The following PRKCB variants were observed in gnomAD, a reference collection of about 807,000 sequenced individuals.
PRKCB encodes the protein protein kinase C beta.
Under a neutral mutation model 81.5 loss-of-function variants are expected in PRKCB, and 13 were observed. The observed-to-expected ratio is 0.16, with a 90% CI of 0.10 to 0.25. The LOEUF (loss-of-function observed/expected upper bound fraction) is 0.25. PRKCB is among the 10% of genes least tolerant of loss of function. PRKCB has a pLI of 1.00. For missense variants in PRKCB, 509 were observed against 875.7 expected (o/e 0.58, Z 5.29); for synonymous variants, 335 against 321.4 (o/e 1.04, Z -0.45).
At chr16:23,982,067 T>A (rs151055457) in intron 2 of PRKCB, among the ~76,000 whole-genome samples, 2 of 9,356 alleles carry the variant, frequency 2.1e-4, no homozygotes, top group African/African-American at 1.4e-3. Flanking sequence ...CTTCCCCTTC[T>A]CTTTCCCTTC....
chr16:23,937,927 A>G (rs1964085110), intron 2 of PRKCB, among the ~76,000 whole-genome samples: 1 of 152,184 alleles, frequency 6.6e-6, no homozygotes, highest in South Asian at 2.1e-4. Context: ...AGGTGCATAG[A>G]AGAGACCGAA....
chr16:24,048,809 A>G (rs1266093958), intron 5 of PRKCB, among the ~76,000 whole-genome samples: 1 of 151,984 alleles, frequency 6.6e-6, no homozygotes, highest in African/African-American at 2.4e-5. Flanking sequence ...AACCCTTCCA[A>G]ATGCCTGGCT....
rs184092991 is a variant in PRKCB, at chr16:23,854,658, C to T, written c.205+17252C>T. Among the ~76,000 whole-genome samples the T allele has an allele frequency of 5.4e-3, 815 of 152,250 alleles. 4 individuals carry two copies. The highest frequency in any genetic ancestry group is 8.2e-3 in the Non-Finnish European group (559 of 68,030). On this transcript the variant is annotated intron_variant, in intron 2 of 16. Coordinates refer to ENST00000643927, the MANE Select transcript of PRKCB (RefSeq NM_002738.7). ...CAGAACATGCATAACATCACTTCTG[C>T]CATATTCCCTGGTCAAAGCAAATCA...
At chr16:23,906,519 A>C (rs942286562) in intron 2 of PRKCB, among the ~76,000 whole-genome samples, 6 of 152,188 alleles carry the variant, frequency 3.9e-5, no homozygotes, top group African/African-American at 1.4e-4. Flanking sequence ...AAAATTCCTC[A>C]GTAGTCAATT....
At chr16:24,086,452 A>G (rs1966311749) in intron 5 of PRKCB, among the ~76,000 whole-genome samples, 3 of 152,142 alleles carry the variant, frequency 2.0e-5, no homozygotes, top group Non-Finnish European at 4.4e-5. Flanking sequence ...GCTGACCTCA[A>G]TGAGCTTATC....
intron 2 of PRKCB, among the ~76,000 whole-genome samples, chr16:23,917,001 C>A (rs1963750844): frequency 6.6e-6 from 1 of 152,084 alleles, no homozygotes. Flanking sequence ...GTCTTAAACT[C>A]CTGGGCTCAA....
chr16:24,156,254 G>C (rs6497727), intron 10 of PRKCB, among the ~76,000 whole-genome samples: 1 of 151,820 alleles, frequency 6.6e-6, no homozygotes, highest in African/African-American at 2.4e-5. Flanking sequence ...TTGGTTCACT[G>C]TTGTGCTCCA....
rs1968240949 is a variant in PRKCB at position 24,217,150 on chromosome 16, AAAG to A, written c.*2338_*2340del. ...AGAAAGAAAGAGAAAGGAAGGAAGGAAAGAAGGAAGGAAAAGAAGGAAGGAAGG... is the reference window on the plus strand; with the variant it reads ...AGAAAGAAAGAGAAAGGAAGGAAGGAAAGGAAGGAAAAGAAGGAAGGAAGG... On this transcript the variant is annotated 3_prime_UTR_variant, in exon 17 of 17. Transcript: ENST00000643927. The A allele has an allele frequency of 3.1e-6, 3 of 982,242 alleles. No homozygotes were observed. The African/African-American group carries it at 5.3e-5, about 17-fold the overall frequency. The allele number at this position is 982,242 out of a possible 1,614,324, so 60.8% of individuals were successfully genotyped here.
intron 2 of PRKCB, among the ~76,000 whole-genome samples, chr16:23,986,654 C>G (rs896617012): frequency 2.0e-5 from 3 of 152,172 alleles, no homozygotes; most frequent in Admixed American, 6.5e-5. Flanking sequence ...GAATATAAGA[C>G]TCAGCACATT....
At chr16:23,934,303 T>C (rs368126556) in intron 2 of PRKCB, among the ~76,000 whole-genome samples, 37 of 137,740 alleles carry the variant, frequency 2.7e-4, no homozygotes, top group Admixed American at 2.3e-4. Context: ...TTTTTAGGCA[T>C]TGAGGAAAAA....
chr16:24,014,410 G>T (rs1965249120), intron 3 of PRKCB, among the ~76,000 whole-genome samples: 1 of 152,204 alleles, frequency 6.6e-6, no homozygotes, highest in Non-Finnish European at 1.5e-5. Context: ...AACCCGGCCT[G>T]CACAGGAAGA....
intron 2 of PRKCB, among the ~76,000 whole-genome samples, chr16:23,862,014 T>G (rs1357149254): frequency 1.3e-5 from 2 of 152,220 alleles, no homozygotes; most frequent in East Asian, 3.8e-4. Flanking sequence ...TCTGAATCAT[T>G]GCTCCTCCCC....
At chr16:24,209,029 T>G (rs1968093056) in intron 16 of PRKCB, among the ~76,000 whole-genome samples, 1 of 152,078 alleles carries the variant, frequency 6.6e-6, no homozygotes, top group East Asian at 1.9e-4. Flanking sequence ...GGGGAGGTTG[T>G]GGAGCTGCCA....
At chr16:23,857,809 C>A (rs1962596663) in intron 2 of PRKCB, among the ~76,000 whole-genome samples, 1 of 152,042 alleles carries the variant, frequency 6.6e-6, no homozygotes, top group African/African-American at 2.4e-5. Flanking sequence ...GGGAATTTTC[C>A]ATTTCCTGGA....
At chr16:23,852,673 G>A (rs1309008281) in intron 2 of PRKCB, among the ~76,000 whole-genome samples, 1 of 152,144 alleles carries the variant, frequency 6.6e-6, no homozygotes, top group Non-Finnish European at 1.5e-5. Context: ...AAGAAGAATT[G>A]ATTGACATCC....
intron 16 of PRKCB, among the ~76,000 whole-genome samples, chr16:24,194,467 A>G (rs1054474270): frequency 2.0e-5 from 3 of 152,208 alleles, no homozygotes. Flanking sequence ...TATCCCATGC[A>G]TTGTTGGTTT....
At chr16:23,867,743 T>C (rs1210850018) in intron 2 of PRKCB, among the ~76,000 whole-genome samples, 1 of 152,226 alleles carries the variant, frequency 6.6e-6, no homozygotes, top group East Asian at 1.9e-4. Flanking sequence ...AGACTGAGGC[T>C]CAGGGTCACA....
chr16:23,963,356 G>C (rs1293694661), intron 2 of PRKCB: 1 of 152,196 alleles, frequency 6.6e-6, no homozygotes, highest in Non-Finnish European at 1.5e-5. Context: ...CAGTGCCAAT[G>C]ATCATTTATT....
intron 5 of PRKCB, among the ~76,000 whole-genome samples, chr16:24,068,340 G>A (rs1178552144): frequency 1.3e-5 from 2 of 152,024 alleles, no homozygotes; most frequent in Admixed American, 1.3e-4. Flanking sequence ...CTCAAGTCCT[G>A]CCTTCCCTGG....
Sources: allele counts gnomAD v4.1 joint callset (sites outside exome capture counted in the v4.1 genomes callset), GRCh38; gene constraint gnomAD v4.1.1; transcripts MANE v1.5; gene names NCBI Gene and HGNC (gene_info 2026-07-23, HGNC 2026-07-21).